The following SEMA6D variants were observed in gnomAD, a reference collection of about 807,000 sequenced individuals.
SEMA6D encodes semaphorin-6D.
A neutral mutation model predicts 106.6 loss-of-function variants in SEMA6D; 35 were observed. The observed-to-expected ratio is 0.33, with a 90% CI of 0.25 to 0.44. SEMA6D has a LOEUF of 0.44. Ranked by LOEUF, SEMA6D falls within the 20% of genes least tolerant of loss-of-function variation. The pLI is 1.00. For missense variants in SEMA6D, 1,185 were observed against 1,345.9 expected (o/e 0.88, Z 1.87); for synonymous variants, 499 against 487.7 (o/e 1.02, Z -0.31).
chr15:47,190,175 T>C (rs1003138572), intron 1 of SEMA6D, among the ~76,000 whole-genome samples: 1 of 152,220 alleles, frequency 6.6e-6, no homozygotes, highest in African/African-American at 2.4e-5. Flanking sequence ...GCAGAGAATT[T>C]GTCTTCAAAT....
chr15:47,419,317 C>G (rs1384556947), intron 2 of SEMA6D, among the ~76,000 whole-genome samples: 1 of 151,954 alleles, frequency 6.6e-6, no homozygotes, highest in African/African-American at 2.4e-5. Flanking sequence ...TCTCTAAAAG[C>G]AAAGTAGTCC....
At chr15:47,459,534 T>G (rs1442258364) in intron 2 of SEMA6D, among the ~76,000 whole-genome samples, 1 of 151,896 alleles carries the variant, frequency 6.6e-6, no homozygotes, top group Non-Finnish European at 1.5e-5. Context: ...CACTGGGTGG[T>G]GGTGACTTAC....
intron 3 of SEMA6D, among the ~76,000 whole-genome samples, chr15:47,494,741 G>GATTT (rs1555448707): frequency 3.0e-4 from 10 of 32,972 alleles, no homozygotes; most frequent in African/African-American, 6.6e-4. Context: ...GTGGGATGGA[G>GATTT]ATATATATAT....
intron 2 of SEMA6D, among the ~76,000 whole-genome samples, chr15:47,424,917 T>C (rs1237020330): frequency 6.6e-6 from 1 of 151,904 alleles, no homozygotes; most frequent in Non-Finnish European, 1.5e-5. Flanking sequence ...AGGTGGGAGA[T>C]GCAGGCAATT....
chr15:47,361,783 C>T (rs1010154579), intron 1 of SEMA6D, among the ~76,000 whole-genome samples: 1 of 152,140 alleles, frequency 6.6e-6, no homozygotes, highest in African/African-American at 2.4e-5. Context: ...CTCTCCCCGC[C>T]CCTCCACTCT....
rs189748770 is a variant in SEMA6D at position 47,359,146 on chromosome 15, A to G, written c.-238-53247A>G. On this transcript the variant is annotated intron_variant, in intron 1 of 19. Coordinates refer to the SEMA6D transcript ENST00000558014. ...TATAGTACCCAGCACAGTGATTTATATATGTCACTGTGTGTGTATATATTT... is the reference window on the plus strand; with the variant it reads ...TATAGTACCCAGCACAGTGATTTATGTATGTCACTGTGTGTGTATATATTT... Among the ~76,000 whole-genome samples, 504 of 152,200 alleles carry G rather than the reference A, an allele frequency of 3.3e-3. 3 individuals are homozygous for G. The highest frequency in any genetic ancestry group is 4.1e-3 in the Non-Finnish European group (278 of 68,022).
At chr15:47,301,368 G>C (rs1230748913) in intron 1 of SEMA6D, among the ~76,000 whole-genome samples, 4 of 149,770 alleles carry the variant, frequency 2.7e-5, no homozygotes, top group African/African-American at 9.8e-5. Flanking sequence ...ACTATCTACT[G>C]TCAGAAACTA....
rs995949182 is a variant in SEMA6D at position 47,383,510 on chromosome 15, G to C, written c.-238-28883G>C. ...TCATACTCTTTCACTTTGAGATCAG[G>C]CTTCTGGTATTTCCACATGTGGCAC... is the stretch of plus-strand genomic sequence containing the variant. On this transcript the variant is annotated intron_variant, in intron 1 of 19. Transcript: ENST00000558014. Among the ~76,000 whole-genome samples the C allele has an allele frequency of 2.6e-5, 4 of 152,136 alleles. No homozygotes were observed. In the East Asian group the frequency reaches 7.7e-4, roughly 29 times the overall value.
chr15:47,733,609 C>T (rs2080271191), intron 1 of SEMA6D, among the ~76,000 whole-genome samples: 1 of 152,112 alleles, frequency 6.6e-6, no homozygotes, highest in African/African-American at 2.4e-5. Context: ...CTTGTGAGTC[C>T]AGAGAGTCCG....
In SEMA6D at chr15:47,770,657, T is replaced by C; in HGVS notation, c.2094T>C (p.His698=). The C allele has an allele frequency of 6.2e-7, 1 of 1,614,056 alleles. No homozygotes were observed. The highest frequency in any genetic ancestry group is 2.2e-5 in the East Asian group (1 of 44,872). The change falls in exon 19 of 19, where the codon CAT becomes CAC. Residue 698 remains histidine, a synonymous_variant. Coordinates refer to ENST00000536845, the MANE Select transcript of SEMA6D (RefSeq NM_001358351.3). ...TTGTTCGGAAAAACAGAAAGATCCATAAAGATGCAGAGTCCGCCCAGTCAT... is the reference window on the plus strand; with the variant it reads ...TTGTTCGGAAAAACAGAAAGATCCACAAAGATGCAGAGTCCGCCCAGTCAT... The part of the protein sequence containing the change: ...DMFVRKNRKI[H]KDAESAQSCT...
chr15:47,227,569 T>TCTCTCACA lies in SEMA6D; in HGVS notation c.-239+43152_-239+43153insTCTCACAC, dbSNP rs142672147. On this transcript the variant is annotated intron_variant, in intron 1 of 19. Transcript: ENST00000558014. ...CTCTCTCTCTGTCTCTCTCTCTCTC[T>TCTCTCACA]CACACACACACACACACACACACAC... Among the ~76,000 whole-genome samples the TCTCTCACA allele has an allele frequency of 4.2e-3, 533 of 127,946 alleles. 8 individuals are homozygous for TCTCTCACA. The highest frequency in any genetic ancestry group is 6.6e-3 in the Non-Finnish European group (412 of 62,676). The allele number at this position is 127,946 out of a possible 152,430, so 83.9% of individuals were successfully genotyped here.
intron 3 of SEMA6D, among the ~76,000 whole-genome samples, chr15:47,535,353 C>T (rs1203318042): frequency 6.6e-6 from 1 of 152,104 alleles, no homozygotes; most frequent in African/African-American, 2.4e-5. Context: ...AGTCAAGTAA[C>T]TTGCCCAAGG....
chr15:47,620,207 A>C, intron 4 of SEMA6D, among the ~76,000 whole-genome samples: 1 of 152,230 alleles, frequency 6.6e-6, no homozygotes, highest in East Asian at 1.9e-4. Flanking sequence ...CAAGATCAGC[A>C]CCTTCTGCAT....
intron 1 of SEMA6D, among the ~76,000 whole-genome samples, chr15:47,748,369 G>A (rs542904246): frequency 6.6e-6 from 1 of 152,312 alleles, no homozygotes; most frequent in South Asian, 2.1e-4. Context: ...ATTTACTGAG[G>A]ACCTGCCAGG....
At chr15:47,278,251 T>C (rs935545371) in intron 1 of SEMA6D, among the ~76,000 whole-genome samples, 1 of 152,216 alleles carries the variant, frequency 6.6e-6, no homozygotes, top group Non-Finnish European at 1.5e-5. Context: ...TGTTCCTGTT[T>C]CTCCACATCC....
At chr15:47,307,880 T>A (rs2036289962) in intron 1 of SEMA6D, among the ~76,000 whole-genome samples, 1 of 152,192 alleles carries the variant, frequency 6.6e-6, no homozygotes, top group South Asian at 2.1e-4. Flanking sequence ...TTTACGAGAA[T>A]TACATAAAAG....
At chr15:47,712,325 G>A (rs1458323758) in intron 4 of SEMA6D, among the ~76,000 whole-genome samples, 1 of 152,036 alleles carries the variant, frequency 6.6e-6, no homozygotes, top group Admixed American at 6.5e-5. Flanking sequence ...ATTTTTCATA[G>A]AATGGTATAC....
intron 1 of SEMA6D, among the ~76,000 whole-genome samples, chr15:47,242,101 A>G (rs979945964): frequency 7.9e-5 from 12 of 152,122 alleles, no homozygotes; most frequent in Admixed American, 7.2e-4. Context: ...ACATGGAATA[A>G]AGATAATTTC....
At chr15:47,408,486 G>A (rs1184554098) in intron 1 of SEMA6D, among the ~76,000 whole-genome samples, 1 of 152,052 alleles carries the variant, frequency 6.6e-6, no homozygotes, top group Non-Finnish European at 1.5e-5. Context: ...TATAAAAAAG[G>A]GTAAACTAAA....
Sources: allele counts gnomAD v4.1 joint callset (sites outside exome capture counted in the v4.1 genomes callset), GRCh38; gene constraint gnomAD v4.1.1; transcripts MANE v1.5; gene names NCBI Gene and HGNC (gene_info 2026-07-23, HGNC 2026-07-21).